Variants in ZC3H12C observed in about 807,000 individuals in gnomAD.
ZC3H12C encodes zinc finger CCCH-type containing 12C, also known as probable ribonuclease ZC3H12C.
In ZC3H12C, 20 loss-of-function variants were observed where a neutral mutation model predicts 76.3. The observed-to-expected ratio is 0.26, with a 90% confidence interval of 0.18 to 0.38. The LOEUF is 0.38. Ranked by LOEUF, ZC3H12C falls within the 10% of genes least tolerant of loss-of-function variation. The pLI, the probability that ZC3H12C is intolerant of heterozygous loss-of-function variation, is 1.00. For synonymous variants in ZC3H12C, 352 were observed against 399.6 expected (o/e 0.88, Z 1.42); for missense variants, 874 against 1,086.5 (o/e 0.80, Z 2.75).
intron 1 of ZC3H12C, among the ~76,000 whole-genome samples, chr11:110,123,619 G>C (rs961716978): frequency 6.6e-6 from 1 of 152,148 alleles, no homozygotes; most frequent in Non-Finnish European, 1.5e-5. Flanking sequence ...TCTTTCTTGT[G>C]ACTGAATTTT....
chr11:110,118,066 C>T (rs1861588679), intron 1 of ZC3H12C, among the ~76,000 whole-genome samples: 1 of 58,070 alleles, frequency 1.7e-5, no homozygotes, highest in Non-Finnish European at 3.5e-5. Flanking sequence ...TATATATACA[C>T]ACACACATAT....
rs117212565 is a variant in ZC3H12C at position 110,159,791 on chromosome 11, C to T, written c.1148+301C>T. 9.3e-4 allele frequency among the ~76,000 whole-genome samples: 141 copies of T among 152,352 alleles called. No homozygotes were observed. The East Asian group carries it at 0.026, about 28-fold the overall frequency. On this transcript the variant is annotated intron_variant, in intron 4 of 5. Transcript: ENST00000278590. The stretch of plus-strand genomic sequence containing the variant: ...AGGAAACAGACACTGGGGAAATTCC[C>T]ATCTTCACCCTCAAAGGACTGCCTT...
intron 1 of ZC3H12C, among the ~76,000 whole-genome samples, chr11:110,117,406 G>T (rs1488843144): frequency 6.6e-6 from 1 of 151,866 alleles, no homozygotes; most frequent in Non-Finnish European, 1.5e-5. Context: ...GGAGAAAAAT[G>T]TATTTCTGTA....
rs1447850757 is a variant in ZC3H12C at position 110,170,865 on chromosome 11, AC to A, written c.*5129del. The A allele has an allele frequency of 3.3e-5, 5 of 152,176 alleles. No homozygotes were observed. The highest frequency in any genetic ancestry group is 1.2e-4 in the African/African-American group (5 of 41,452). The allele number at this position is 152,176 out of a possible 1,614,324, so 9.4% of individuals were successfully genotyped here. ...AATGTTTATTGTTTTTTAAGTGGTTACTTTGTTTTTCCTTAATACTTTCTGT... is the reference window on the plus strand; with the variant it reads ...AATGTTTATTGTTTTTTAAGTGGTTATTTGTTTTTCCTTAATACTTTCTGT... On this transcript the variant is annotated 3_prime_UTR_variant, in exon 6 of 6. Coordinates refer to ENST00000278590, the MANE Select transcript of ZC3H12C (RefSeq NM_033390.2).
intron 1 of ZC3H12C, among the ~76,000 whole-genome samples, chr11:110,116,991 C>A (rs867645824): frequency 2.0e-5 from 3 of 152,156 alleles, no homozygotes; most frequent in Non-Finnish European, 4.4e-5. Flanking sequence ...TATTCAGAGA[C>A]AAGTTTCAGA....
intron 1 of ZC3H12C, among the ~76,000 whole-genome samples, chr11:110,123,712 C>G (rs1861690142): frequency 6.6e-6 from 1 of 152,118 alleles, no homozygotes; most frequent in Non-Finnish European, 1.5e-5. Context: ...TTTTATTACC[C>G]TTTATTTTTC....
At chr11:110,142,631 G>A (rs1023358881) in intron 2 of ZC3H12C, among the ~76,000 whole-genome samples, 2 of 152,030 alleles carry the variant, frequency 1.3e-5, no homozygotes, top group African/African-American at 4.8e-5. Context: ...CTGCTGTTGA[G>A]CTCATAACCA....
At chr11:110,154,283 T>C (rs1862332442) in intron 3 of ZC3H12C, among the ~76,000 whole-genome samples, 1 of 150,606 alleles carries the variant, frequency 6.6e-6, no homozygotes, top group African/African-American at 2.4e-5. Context: ...AGTGGGAGAA[T>C]CACTTGAGCC....
chr11:110,120,756 C>G (rs1213633577), intron 1 of ZC3H12C, among the ~76,000 whole-genome samples: 2 of 152,204 alleles, frequency 1.3e-5, no homozygotes, highest in Non-Finnish European at 2.9e-5. Flanking sequence ...TTTTCAATCA[C>G]TGTGTATTGA....
intron 1 of ZC3H12C, among the ~76,000 whole-genome samples, chr11:110,111,337 A>T (rs1282544701): frequency 6.6e-6 from 1 of 152,330 alleles, no homozygotes; most frequent in East Asian, 1.9e-4. Flanking sequence ...CAAAATCCTG[A>T]AATAATTTAT....
intron 1 of ZC3H12C, among the ~76,000 whole-genome samples, chr11:110,135,660 A>G (rs1006990621): frequency 6.6e-6 from 1 of 152,184 alleles, no homozygotes; most frequent in Non-Finnish European, 1.5e-5. Context: ...AATTTTAAAT[A>G]GTAAAAGTAT....
At chr11:110,125,723 C>T (rs1485823027) in intron 1 of ZC3H12C, among the ~76,000 whole-genome samples, 1 of 152,208 alleles carries the variant, frequency 6.6e-6, no homozygotes, top group African/African-American at 2.4e-5. Context: ...AGGAATGCCC[C>T]GCCACCATCT....
intron 1 of ZC3H12C, among the ~76,000 whole-genome samples, chr11:110,134,355 G>A (rs1861917301): frequency 6.6e-6 from 1 of 152,050 alleles, no homozygotes; most frequent in South Asian, 2.1e-4. Context: ...GCATGTTAAA[G>A]GCGTGCAGCT....
chr11:110,116,663 T>A (rs1861531234), intron 1 of ZC3H12C, among the ~76,000 whole-genome samples: 2 of 152,250 alleles, frequency 1.3e-5, no homozygotes, highest in South Asian at 4.1e-4. Context: ...ATTTCATTTT[T>A]ACACTAAACT....
chr11:110,128,088 A>G (rs1212049995), intron 1 of ZC3H12C, among the ~76,000 whole-genome samples: 4 of 151,778 alleles, frequency 2.6e-5, no homozygotes, highest in South Asian at 2.1e-4. Context: ...CATGGCAAAG[A>G]CAGATTTTAG....
intron 2 of ZC3H12C, among the ~76,000 whole-genome samples, chr11:110,151,389 G>A (rs1862268560): frequency 6.6e-6 from 1 of 152,166 alleles, no homozygotes; most frequent in African/African-American, 2.4e-5. Flanking sequence ...AGTATCATTA[G>A]TTTACTAGCA....
In ZC3H12C at chr11:110,169,210, A is replaced by G. The variant is rs1393180021; in HGVS notation, c.*3473A>G. ...CAAAAAACTTAAAGTAGTATTGATT[A>G]TACAAATAATTATTTAACATGTCTT... On this transcript the variant is annotated 3_prime_UTR_variant, in exon 6 of 6. Transcript: ENST00000278590. 1 of 152,188 alleles carries G rather than the reference A, an allele frequency of 6.6e-6. No homozygotes were observed. The highest frequency in any genetic ancestry group is 1.5e-5 in the Non-Finnish European group (1 of 68,024). The allele number at this position is 152,188 out of a possible 1,614,324, so 9.4% of individuals were successfully genotyped here.
intron 1 of ZC3H12C, among the ~76,000 whole-genome samples, chr11:110,095,725 G>T (rs2134138589): frequency 6.6e-6 from 1 of 152,298 alleles, no homozygotes; most frequent in East Asian, 1.9e-4. Context: ...GTGCCTCAAA[G>T]GTAGGATTTG....
chr11:110,109,309 C>T (rs963051410), intron 1 of ZC3H12C, among the ~76,000 whole-genome samples: 1 of 152,170 alleles, frequency 6.6e-6, no homozygotes, highest in Admixed American at 6.5e-5. Context: ...TAATAAAGCT[C>T]TCATTCCTTC....
Sources: allele counts gnomAD v4.1 joint callset (sites outside exome capture counted in the v4.1 genomes callset), GRCh38; gene constraint gnomAD v4.1.1; transcripts MANE v1.5; gene names NCBI Gene and HGNC (gene_info 2026-07-23, HGNC 2026-07-21).